The following ZNF644 variants were observed in gnomAD, a reference collection of about 807,000 sequenced individuals.
ZNF644 encodes zinc finger protein 644.
In ZNF644, 20 loss-of-function variants were observed where a neutral mutation model predicts 108.0. The ratio of observed to expected loss-of-function variants is 0.19; its 90% CI spans 0.13 to 0.27. The LOEUF is 0.27. Among genes scored for constraint, ZNF644 ranks in the 10% least tolerant of loss-of-function variants. The pLI is 1.00. For synonymous variants in ZNF644, 542 were observed against 539.1 expected (o/e 1.01, Z -0.08); for missense variants, 1,338 against 1,548.9 (o/e 0.86, Z 2.29).
At chr1:90,961,105 T>C (rs1246088883) in intron 2 of ZNF644, among the ~76,000 whole-genome samples, 2 of 152,044 alleles carry the variant, frequency 1.3e-5, no homozygotes, top group South Asian at 4.1e-4. Flanking sequence ...AAGTGGTAAA[T>C]ATGTAGGTAA....
chr1:90,985,056 G>T (rs1453465543), intron 1 of ZNF644, among the ~76,000 whole-genome samples: 1 of 152,018 alleles, frequency 6.6e-6, no homozygotes, highest in Non-Finnish European at 1.5e-5. Context: ...GACTTAAGCT[G>T]TTTAATTTTA....
At chr1:91,006,955 T>G (rs984788990) in intron 1 of ZNF644, among the ~76,000 whole-genome samples, 3 of 152,200 alleles carry the variant, frequency 2.0e-5, no homozygotes, top group Admixed American at 2.0e-4. Flanking sequence ...ATGAATAGTT[T>G]GGAAATAACT....
In ZNF644 at chr1:90,920,368, T is replaced by C. The variant is rs1056642466; in HGVS notation, c.3689-2214A>G. ...TAAAAATTTGTTCACAGAATGTTAA[T>C]GTTAGGGGTGTAAAGCAAATTGAGG... On this transcript the variant is annotated intron_variant, in intron 4 of 5. Transcript: ENST00000337393. 5.3e-5 allele frequency among the ~76,000 whole-genome samples: 8 copies of C among 152,098 alleles called. 1 individual carries two copies. The highest frequency in any genetic ancestry group is 1.7e-4 in the African/African-American group (7 of 41,538).
At chr1:90,974,198 G>C (rs60619210) in intron 2 of ZNF644, among the ~76,000 whole-genome samples, 1,804 of 152,032 alleles carry the variant, frequency 0.012, 38 homozygotes, top group African/African-American at 0.042. Context: ...AAATTAGCTG[G>C]GCAAGGTGGT....
chr1:90,955,464 G>A (rs1401195542), intron 2 of ZNF644, among the ~76,000 whole-genome samples: 2 of 152,236 alleles, frequency 1.3e-5, no homozygotes, highest in Non-Finnish European at 2.9e-5. Context: ...TGAAAAATCT[G>A]TTGGTTAGTG....
At chr1:90,989,415 C>T (rs746781324) in intron 1 of ZNF644, among the ~76,000 whole-genome samples, 13 of 151,688 alleles carry the variant, frequency 8.6e-5, no homozygotes, top group Non-Finnish European at 1.6e-4. Context: ...TGGTAGCACG[C>T]GTTTGTAGTA....
At chr1:90,969,602 T>C (rs1391381107) in intron 2 of ZNF644, among the ~76,000 whole-genome samples, 1 of 152,198 alleles carries the variant, frequency 6.6e-6, no homozygotes, top group East Asian at 1.9e-4. Flanking sequence ...ACCATCCCTT[T>C]GTCCTGTGTA....
At chr1:90,929,127 TTC>T (rs973594735) in intron 4 of ZNF644, among the ~76,000 whole-genome samples, 57 of 152,306 alleles carry the variant, frequency 3.7e-4, no homozygotes, top group African/African-American at 1.3e-3. Context: ...TATTTATTTT[TTC>T]TGTTTTTTAC....
chr1:90,991,726 TCA>T (rs1657655328), intron 1 of ZNF644, among the ~76,000 whole-genome samples: 1 of 152,076 alleles, frequency 6.6e-6, no homozygotes, highest in African/African-American at 2.4e-5. Flanking sequence ...GAAGACTCAC[TCA>T]CTACCACAAC....
intron 1 of ZNF644, among the ~76,000 whole-genome samples, chr1:91,007,884 A>G (rs1220631669): frequency 6.6e-6 from 1 of 152,058 alleles, no homozygotes; most frequent in Non-Finnish European, 1.5e-5. Context: ...GTGATCCTTA[A>G]TCTCATATTT....
chr1:90,935,974 T>C (rs1651274659), intron 4 of ZNF644, among the ~76,000 whole-genome samples: 1 of 152,102 alleles, frequency 6.6e-6, no homozygotes, highest in Non-Finnish European at 1.5e-5. Context: ...ACCGTAAAAG[T>C]CTCAATACTA....
Position 90,939,578 on chromosome 1 carries a change from A to C in ZNF644, c.1776T>G (p.Pro592=). The C allele has an allele frequency of 6.2e-7, 1 of 1,614,062 alleles. No homozygotes were observed. Among genetic ancestry groups the C allele is most frequent in the Middle Eastern group, 1.6e-4 (1 of 6,062 alleles). ...KSATYICKMC[P]FTTSAKSVLK... ...AAACACTTTTGGCTGAAGTAGTAAA[A>C]GGACACATCTTACATATGTAGGTAG... Residue 592 remains proline (P), a synonymous_variant, in exon 3 of 6, where the codon CCT becomes CCG. Coordinates refer to ENST00000337393, the MANE Select transcript of ZNF644 (RefSeq NM_201269.3).
intron 1 of ZNF644, among the ~76,000 whole-genome samples, chr1:91,014,399 A>T (rs1660249356): frequency 6.6e-6 from 1 of 152,184 alleles, no homozygotes. Context: ...TATCCCTTTA[A>T]GATTTTTAAC....
intron 2 of ZNF644, among the ~76,000 whole-genome samples, chr1:90,942,408 T>C (rs1652088644): frequency 6.6e-6 from 1 of 152,184 alleles, no homozygotes; most frequent in African/African-American, 2.4e-5. Context: ...ACCTGTTTTT[T>C]TCCTGCTCTT....
chr1:91,013,449 TCTCACACA>T (rs1161499896), intron 1 of ZNF644, among the ~76,000 whole-genome samples: 43 of 96,370 alleles, frequency 4.5e-4, no homozygotes, highest in East Asian at 2.9e-3. Flanking sequence ...CCAATCTCTC[TCTCACACA>T]CACACACACA....
chr1:90,955,615 G>T (rs984815292), intron 2 of ZNF644, among the ~76,000 whole-genome samples: 6 of 152,152 alleles, frequency 3.9e-5, no homozygotes, highest in Non-Finnish European at 8.8e-5. Flanking sequence ...ACCTCTGTTA[G>T]CTTCCAACTT....
At chr1:90,983,519 T>C (rs368580027) in intron 1 of ZNF644, among the ~76,000 whole-genome samples, 4 of 146,930 alleles carry the variant, frequency 2.7e-5, no homozygotes, top group African/African-American at 1.0e-4. Flanking sequence ...TCTTTGTAGA[T>C]ATGATTAAAT....
chr1:90,962,909 G>A lies in ZNF644; in HGVS notation c.44+19401C>T, dbSNP rs562313111. ...GGAGCAAGGAAAGACTTCTTAAATG[G>A]GACACAAGCAGCATTAACAATAAGA... is the stretch of plus-strand genomic sequence containing the variant. On this transcript the variant is annotated intron_variant, in intron 2 of 5. Coordinates refer to ENST00000337393, the MANE Select transcript of ZNF644 (RefSeq NM_201269.3). Among the ~76,000 whole-genome samples the A allele has an allele frequency of 2.6e-5, 4 of 152,034 alleles. No individual in the cohort carries two copies. The South Asian group carries it at 8.3e-4, about 32-fold the overall frequency.
chr1:91,017,221 C>A (rs1660509271), intron 1 of ZNF644, among the ~76,000 whole-genome samples: 1 of 152,218 alleles, frequency 6.6e-6, no homozygotes, highest in East Asian at 1.9e-4. Flanking sequence ...GCCTTCATCA[C>A]TCTAACCCAG....
Sources: allele counts gnomAD v4.1 joint callset (sites outside exome capture counted in the v4.1 genomes callset), GRCh38; gene constraint gnomAD v4.1.1; transcripts MANE v1.5; gene names NCBI Gene and HGNC (gene_info 2026-07-23, HGNC 2026-07-21).